The following NEDD4L variants were observed in gnomAD, a reference collection of about 807,000 sequenced individuals.
NEDD4L encodes the protein NEDD4 like E3 ubiquitin protein ligase.
In NEDD4L, 54 loss-of-function variants were observed where a neutral mutation model predicts 148.9. That is an observed-to-expected ratio of 0.36 (90% CI 0.29 to 0.45). NEDD4L has a LOEUF of 0.45. Ranked by LOEUF, NEDD4L falls within the 20% of genes least tolerant of loss-of-function variation. NEDD4L has a pLI of 1.00. For missense variants in NEDD4L, 856 were observed against 1,233.8 expected, an observed-to-expected ratio of 0.69 and a Z score of 4.59; for synonymous variants, 433 against 440.7, an observed-to-expected ratio of 0.98 and a Z score of 0.22.
Position 58,370,446 on chromosome 18 carries a change from C to A in NEDD4L, c.2235C>A (p.Thr745=). 6.2e-7 allele frequency: 1 copy of A among 1,610,094 alleles called. No individual in the cohort carries two copies. Among genetic ancestry groups the A allele is most frequent in the Non-Finnish European group, 8.5e-7 (1 of 1,176,348 alleles). The stretch of plus-strand genomic sequence containing the variant: ...AGATGATGTTGGGAAAGCAGATAAC[C>A]CTGAATGACATGGAATCTGTGGTAA... ...FYKMMLGKQI[T]LNDMESVDSE... The change falls in exon 23 of 31, where the codon ACC becomes ACA. Residue 745 remains threonine, a synonymous_variant. Transcript: ENST00000400345.
rs76677343 is a variant in NEDD4L, at chr18:58,158,423, C to T, written c.49-7365C>T. On this transcript the variant is annotated intron_variant, in intron 1 of 30. Transcript: ENST00000400345. ...GAAAGAAATATCGAGAATTTGTGGACCTGTTTCACAACCACACAGCATCAT... is the reference window on the plus strand; with the variant it reads ...GAAAGAAATATCGAGAATTTGTGGATCTGTTTCACAACCACACAGCATCAT... Among the ~76,000 whole-genome samples, 966 of 152,314 alleles carry T rather than the reference C, an allele frequency of 6.3e-3. 12 individuals are homozygous for T. The highest frequency in any genetic ancestry group is 0.022 in the African/African-American group (913 of 41,562).
In NEDD4L at chr18:58,397,640, A is replaced by C. The variant is rs1357729964; in HGVS notation, c.*1371A>C. ...TGTGCCTCTTGTGTGCTAGATTAAA[A>C]GTGAGACAGAGACTTGACTTGATCC... On this transcript the variant is annotated 3_prime_UTR_variant, in exon 31 of 31. Transcript: ENST00000400345. The C allele has an allele frequency of 6.6e-6, 1 of 152,580 alleles. No individual in the cohort carries two copies. Among genetic ancestry groups the C allele is most frequent in the Non-Finnish European group, 1.5e-5 (1 of 68,044 alleles). 9.5% of individuals were successfully genotyped at this position (152,580 alleles called of 1,614,324 possible). A position where few individuals can be genotyped will look rare whatever the true frequency, so the allele number is the denominator to read the frequency against.
At position 58,044,556 on chromosome 18, in the gene NEDD4L, AGGG is replaced by A; in HGVS notation, c.-104_-102del. The stretch of plus-strand genomic sequence containing the variant: ...TTACCCGGCAGGGCGTGCGCAGGGT[AGGG>A]TGCGGGACCGGGGGGACCTGGAGGC... On this transcript the variant is annotated 5_prime_UTR_variant, in exon 1 of 31. In the 5' UTR this introduces an upstream ATG that the reference lacks. Transcript: ENST00000400345. The A allele has an allele frequency of 7.6e-7, 1 of 1,318,526 alleles. No homozygotes were observed. Among genetic ancestry groups the A allele is most frequent in the South Asian group, 2.1e-5 (1 of 46,896 alleles). The allele number at this position is 1,318,526 out of a possible 1,614,324, so 81.7% of individuals were successfully genotyped here. A position where few individuals can be genotyped will look rare whatever the true frequency, so the allele number is the denominator to read the frequency against.
At position 58,256,263 on chromosome 18, in the gene NEDD4L, C is replaced by T. The variant is rs2048544571; in HGVS notation, c.297+4209C>T. On this transcript the variant is annotated intron_variant, in intron 5 of 30. Transcript: ENST00000400345. The surrounding 1 kb of genome is among the most constrained non-coding windows in gnomAD (Gnocchi z 5.2). ...GACGTGCGCCAGGTGAGGCTGCTGC[C>T]CCTGGGCCCCGATGGCCAGGGCGGC... 3 of 1,231,044 alleles carry T rather than the reference C, an allele frequency of 2.4e-6. No individual in the cohort carries two copies. Among genetic ancestry groups the T allele is most frequent in the Non-Finnish European group, 3.0e-6 (3 of 987,502 alleles). The allele number at this position is 1,231,044 out of a possible 1,614,324, so 76.3% of individuals were successfully genotyped here. A position where few individuals can be genotyped will look rare whatever the true frequency, so the allele number is the denominator to read the frequency against.
intron 5 of NEDD4L, among the ~76,000 whole-genome samples, chr18:58,295,388 G>C (rs989164072): frequency 6.6e-6 from 1 of 152,036 alleles, no homozygotes; most frequent in Non-Finnish European, 1.5e-5. Context: ...TTTCATAGTG[G>C]CTTCTTTTAC....
intron 1 of NEDD4L, among the ~76,000 whole-genome samples, chr18:58,052,440 C>G (rs1210842781): frequency 6.6e-6 from 1 of 152,098 alleles, no homozygotes; most frequent in Non-Finnish European, 1.5e-5. Context: ...TTAAATTTGA[C>G]ACTCCAGTCA....
intron 1 of NEDD4L, among the ~76,000 whole-genome samples, chr18:58,123,651 T>C (rs1377832873): frequency 1.3e-5 from 2 of 152,240 alleles, no homozygotes; most frequent in Admixed American, 1.3e-4. Flanking sequence ...TATTACACTT[T>C]TGCAGCAGTT....
chr18:58,328,983 C>G lies in NEDD4L; in HGVS notation c.681-12C>G. The G allele has an allele frequency of 1.2e-6, 2 of 1,613,954 alleles. No individual in the cohort carries two copies. The highest frequency in any genetic ancestry group is 1.7e-5 in the Admixed American group (1 of 60,030). ...TTCTCTTCTTCTCTTTCCCCCTTTC[C>G]TGCATGCTCAGGGACGTGTCCTCGG... On this transcript the variant is annotated splice_polypyrimidine_tract_variant and intron_variant, in intron 9 of 30. Transcript: ENST00000400345.
At chr18:58,369,974 C>T (rs1727024320) in intron 22 of NEDD4L, among the ~76,000 whole-genome samples, 1 of 152,216 alleles carries the variant, frequency 6.6e-6, no homozygotes, top group African/African-American at 2.4e-5. Flanking sequence ...CAGAGAGCAC[C>T]CCAACTCTCC....
At chr18:58,319,012 C>T (rs1312823426) in intron 6 of NEDD4L, among the ~76,000 whole-genome samples, 1 of 152,200 alleles carries the variant, frequency 6.6e-6, no homozygotes, top group Non-Finnish European at 1.5e-5. Context: ...TTATTTGATG[C>T]CCTGCCTGTA....
chr18:58,107,956 GCAAT>G (rs2085173788), intron 1 of NEDD4L, among the ~76,000 whole-genome samples: 1 of 152,080 alleles, frequency 6.6e-6, no homozygotes, highest in East Asian at 1.9e-4. Flanking sequence ...CTGGGCTCAA[GCAAT>G]CCTCCTGCCT....
Position 58,234,086 on chromosome 18 carries a change from TTTC to T in NEDD4L, c.123-11338_123-11336del, listed in dbSNP as rs1276235297. ...CTTTCTTTCTTTCTTTCTTTCTTTC[TTTC>T]TTTCTTTCTTTCTTTTCTTTTCTTT... On this transcript the variant is annotated intron_variant, in intron 2 of 30. Coordinates refer to ENST00000400345, the MANE Select transcript of NEDD4L (RefSeq NM_001144967.3). Among the ~76,000 whole-genome samples the T allele has an allele frequency of 8.9e-3, 861 of 96,648 alleles. 13 individuals are homozygous for T. Among genetic ancestry groups the T allele is most frequent in the African/African-American group, 0.038 (824 of 21,964 alleles). The allele number at this position is 96,648 out of a possible 152,430, so 63.4% of individuals were successfully genotyped here. A position where few individuals can be genotyped will look rare whatever the true frequency, so the allele number is the denominator to read the frequency against.
chr18:58,332,050 T>C (rs184538180), intron 11 of NEDD4L, among the ~76,000 whole-genome samples: 374 of 152,342 alleles, frequency 2.5e-3, no homozygotes, highest in Admixed American at 5.3e-3. Context: ...ACTGTTGTTA[T>C]AGAAACAACA....
At chr18:58,085,233 G>C (rs1249000562) in intron 1 of NEDD4L, among the ~76,000 whole-genome samples, 1 of 152,186 alleles carries the variant, frequency 6.6e-6, no homozygotes, top group Non-Finnish European at 1.5e-5. Context: ...TGGGAGTGAG[G>C]ACTGATATGA....
At chr18:58,294,827 C>A (rs956842423) in intron 5 of NEDD4L, among the ~76,000 whole-genome samples, 2 of 152,000 alleles carry the variant, frequency 1.3e-5, no homozygotes, top group African/African-American at 4.8e-5. Context: ...TATTTGTGTT[C>A]TTTCTGTTTT....
intron 1 of NEDD4L, among the ~76,000 whole-genome samples, chr18:58,059,857 C>T (rs1002216991): frequency 1.1e-4 from 17 of 152,010 alleles, no homozygotes; most frequent in East Asian, 1.9e-4. Context: ...GTATGTATTT[C>T]GAAATAACAT....
intron 1 of NEDD4L, among the ~76,000 whole-genome samples, chr18:58,146,819 T>C (rs1007982884): frequency 5.3e-5 from 8 of 152,210 alleles, no homozygotes; most frequent in Non-Finnish European, 1.2e-4. Flanking sequence ...GATTTAATGC[T>C]CTTTTCTTGC....
chr18:58,112,119 A>C (rs1366691504), intron 1 of NEDD4L, among the ~76,000 whole-genome samples: 1 of 152,236 alleles, frequency 6.6e-6, no homozygotes, highest in African/African-American at 2.4e-5. Context: ...GCTGTTTATG[A>C]GGATTTGTCC....
At chr18:58,084,710 T>TGTGTGTGTG (rs1599157510) in intron 1 of NEDD4L, among the ~76,000 whole-genome samples, 22 of 150,828 alleles carry the variant, frequency 1.5e-4, no homozygotes, top group South Asian at 2.1e-4. Flanking sequence ...TGTGTGTGTG[T>TGTGTGTGTG]TTGAGACAGG....
Sources: allele counts gnomAD v4.1 joint callset (sites outside exome capture counted in the v4.1 genomes callset), GRCh38; gene constraint gnomAD v4.1.1; non-coding constraint Gnocchi (gnomAD v3.1); transcripts MANE v1.5; gene names NCBI Gene and HGNC (gene_info 2026-07-23, HGNC 2026-07-21).